STT3A: variants seen among roughly 807,000 people sequenced by gnomAD.
STT3A encodes dolichyl-diphosphooligosaccharide--protein glycosyltransferase subunit STT3A.
STT3A carries 34 observed loss-of-function variants against 89.2 expected under a neutral mutation model. The observed-to-expected ratio is 0.38, with a 90% CI of 0.29 to 0.51. The LOEUF (loss-of-function observed/expected upper bound fraction) is 0.51. Among genes scored for constraint, STT3A ranks in the 20% least tolerant of loss-of-function variants. The pLI, the probability that STT3A is intolerant of heterozygous loss-of-function variation, is 0.89. For missense variants in STT3A, 555 were observed against 889.5 expected (o/e 0.62, Z 4.78); for synonymous variants, 282 against 310.3 (o/e 0.91, Z 0.96).
intron 15 of STT3A, among the ~76,000 whole-genome samples, chr11:125,616,131 T>A (rs1163219997): frequency 6.6e-6 from 1 of 152,208 alleles, no homozygotes; most frequent in African/African-American, 2.4e-5. Context: ...ATAGTGTAGT[T>A]GTCCCTCTGT....
At chr11:125,601,652 A>G (rs1303544346) in intron 3 of STT3A, among the ~76,000 whole-genome samples, 1 of 151,956 alleles carries the variant, frequency 6.6e-6, no homozygotes, top group African/African-American at 2.4e-5. Context: ...GAAAGCCAAA[A>G]TCTATTGGTG....
At chr11:125,612,936 T>C in intron 12 of STT3A, 53 bp from the exon 13 acceptor site, 7 of 1,594,644 alleles carry the variant, frequency 4.4e-6, no homozygotes, top group South Asian at 1.1e-5. Flanking sequence ...TTGTCCTGTG[T>C]TGTGTGAATT....
rs1332925373 is a variant in STT3A, at chr11:125,606,294, A to T, written c.616-7A>T. ...CAGAGGAACTGTTTTTTTCTATTCC[A>T]TCATAGGTCTCGTCATGGGGAGGTT... is the stretch of plus-strand genomic sequence containing the variant. On this transcript the variant is annotated splice_region_variant and splice_polypyrimidine_tract_variant and intron_variant, in intron 7 of 17. Coordinates refer to ENST00000392708, the MANE Select transcript of STT3A (RefSeq NM_152713.5). The T allele has an allele frequency of 6.2e-7, 1 of 1,611,682 alleles. No homozygotes were observed.
chr11:125,602,517 C>T, intron 4 of STT3A, 93 bp downstream of exon 4: 2 of 1,344,688 alleles, frequency 1.5e-6, no homozygotes, highest in Non-Finnish European at 2.0e-6. Context: ...ATAGCTTTGT[C>T]TTGTGACACT....
At chr11:125,618,847 G>A (rs1397567659) in intron 16 of STT3A, among the ~76,000 whole-genome samples, 1 of 151,810 alleles carries the variant, frequency 6.6e-6, no homozygotes, top group East Asian at 1.9e-4. Context: ...GAGTCCTCCT[G>A]CTTCAGCCTC....
intron 10 of STT3A, 197 bp from the exon 11 acceptor site, chr11:125,611,231 A>AT (rs1014303773): frequency 4.5e-6 from 2 of 446,070 alleles, no homozygotes; most frequent in Non-Finnish European, 8.1e-6. Context: ...GTTGTTTCTG[A>AT]TTTTTTTGCT....
rs1317453842 is a variant in STT3A, at chr11:125,596,003, T to C, written c.88T>C (p.Ser30Pro). The C allele has an allele frequency of 6.2e-7, 1 of 1,609,440 alleles. No individual in the cohort carries two copies. Among genetic ancestry groups the C allele is most frequent in the Non-Finnish European group, 8.5e-7 (1 of 1,176,764 alleles). The change falls in exon 2 of 18, where the codon TCC (serine) becomes CCC (proline). Residue 30 changes from serine (S) to proline (P), a missense_variant and splice_region_variant. Ser to Pro is a moderately conservative substitution (Grantham distance 74, BLOSUM62 -1). Around this residue, in one of 5 missense-constraint regions of STT3A, gnomAD observed 129 missense variants for 193.2 expected, o/e 0.67. Transcript: ENST00000392708. ...LLILSMAAVL[S>P]FSTRLFAVLR... ...CATTCTGTCAATGGCTGCTGTATTA[T>C]GTGAGTGTGCATGTGAACCTCTCTT...
chr11:125,613,976 G>T lies in STT3A; in HGVS notation c.1555-111G>T. ...ACATGCATTACTTTGTGAAGAAATT[G>T]ATTAGTTAGCCAGGTGTCACTTCTG... On this transcript the variant is annotated intron_variant, in intron 13 of 17. Coordinates refer to ENST00000392708, the MANE Select transcript of STT3A (RefSeq NM_152713.5). This position sits in a 1 kb window ranked among gnomAD's most constrained non-coding sequence, Gnocchi z 4.2. 2 of 850,444 alleles carry T rather than the reference G, an allele frequency of 2.4e-6. No homozygotes were observed. Among genetic ancestry groups the T allele is most frequent in the East Asian group, 2.4e-5 (1 of 40,824 alleles). The allele number at this position is 850,444 out of a possible 1,614,324, so 52.7% of individuals were successfully genotyped here.
chr11:125,615,474 A>G (rs1940152935), intron 15 of STT3A, among the ~76,000 whole-genome samples: 1 of 152,028 alleles, frequency 6.6e-6, no homozygotes, highest in South Asian at 2.1e-4. Flanking sequence ...CCAACCACAA[A>G]TGGAAAATAT....
At chr11:125,615,349 T>A (rs1341758941) in intron 15 of STT3A, among the ~76,000 whole-genome samples, 1 of 152,122 alleles carries the variant, frequency 6.6e-6, no homozygotes, top group Non-Finnish European at 1.5e-5. Context: ...TTAACATCAG[T>A]CCCCAGAAGC....
At chr11:125,606,546 T>C in intron 8 of STT3A, 81 bp downstream of exon 8, 1 of 1,445,364 alleles carries the variant, frequency 6.9e-7, no homozygotes. Context: ...TTAGATTCTG[T>C]TAAGAAGAGT....
At chr11:125,605,788 C>A in intron 7 of STT3A, 53 bp downstream of exon 7, 1 of 1,449,436 alleles carries the variant, frequency 6.9e-7, no homozygotes, top group South Asian at 1.2e-5. Flanking sequence ...TACTGTATTT[C>A]CTATGGGTAC....
chr11:125,597,205 C>A, intron 3 of STT3A, 86 bp downstream of exon 3: 1 of 1,368,838 alleles, frequency 7.3e-7, no homozygotes, highest in Non-Finnish European at 1.0e-6. Context: ...AGTCAGCTCT[C>A]AGTGATAGAG....
intron 7 of STT3A, 53 bp from the exon 8 acceptor site, chr11:125,606,242 AGTGGTG>A: frequency 6.8e-7 from 1 of 1,464,582 alleles, no homozygotes; most frequent in East Asian, 2.3e-5. Context: ...CCTACAATAT[AGTGGTG>A]GTGGTCTGAG....
chr11:125,594,444 G>A (rs1460465822), intron 1 of STT3A, among the ~76,000 whole-genome samples: 1 of 152,058 alleles, frequency 6.6e-6, no homozygotes, highest in African/African-American at 2.4e-5. Flanking sequence ...GCTGGGCGTG[G>A]TGGCGCACAC....
At chr11:125,610,188 G>A (rs546504187) in intron 10 of STT3A, among the ~76,000 whole-genome samples, 1 of 150,198 alleles carries the variant, frequency 6.7e-6, no homozygotes, top group African/African-American at 2.5e-5. Flanking sequence ...TCACCCTCCT[G>A]AGTAGCTGGG....
Position 125,602,890 on chromosome 11 carries a change from C to G in STT3A, c.359C>G (p.Ala120Gly). ...ATTCGGAATGTCTGTGTGTTCCTGG[C>G]CCCTCTCTTCTCCTCCTTCACCACC... ...IDIRNVCVFL[A>G]PLFSSFTTIV... Residue 120 changes from alanine to glycine, a missense_variant, in exon 5 of 18, where the codon GCC becomes GGC. Ala to Gly is a moderately conservative substitution (Grantham distance 60, BLOSUM62 0). Transcript: ENST00000392708. The G allele has an allele frequency of 6.2e-7, 1 of 1,614,114 alleles. No homozygotes were observed.
In STT3A at chr11:125,622,467, T is replaced by C. The variant is rs1249327797; in HGVS notation, c.*1657T>C. The C allele has an allele frequency of 1.3e-5, 2 of 152,234 alleles. No homozygotes were observed. Among genetic ancestry groups the C allele is most frequent in the Non-Finnish European group, 2.9e-5 (2 of 68,036 alleles). The allele number at this position is 152,234 out of a possible 1,614,324, so 9.4% of individuals were successfully genotyped here. A position where few individuals can be genotyped will look rare whatever the true frequency, so the allele number is the denominator to read the frequency against. ...CTTTATACTATACATAGGATAACTT[T>C]TAACTTGTCGCTACAGTTGTTGCTC... On this transcript the variant is annotated 3_prime_UTR_variant, in exon 18 of 18. Coordinates refer to ENST00000392708, the MANE Select transcript of STT3A (RefSeq NM_152713.5).
chr11:125,592,961 G>A (rs1939362624), intron 1 of STT3A, 43 bp downstream of exon 1: 2 of 168,364 alleles, frequency 1.2e-5, no homozygotes, highest in South Asian at 2.3e-4. Context: ...AGCGGCAGGT[G>A]CAGTCCATGG....
Sources: gnomAD v4.1 joint callset for allele counts (sites outside exome capture counted in the v4.1 genomes callset) on GRCh38, gnomAD v4.1.1 for gene constraint, gnomAD v4.1.1 regional missense constraint, Gnocchi (gnomAD v3.1) non-coding constraint, MANE v1.5 for transcripts, NCBI Gene and HGNC (gene_info 2026-07-23, HGNC 2026-07-21) for gene names.